Variants in NRG3 observed in about 807,000 individuals in gnomAD.
The protein encoded by NRG3 is neuregulin 3, also known as pro-neuregulin-3, membrane-bound isoform.
NRG3 carries 31 observed loss-of-function variants against 66.9 expected under a neutral mutation model. That is an observed-to-expected ratio of 0.46 (90% confidence interval 0.35 to 0.63). The LOEUF is 0.63. Ranked by LOEUF, NRG3 falls within the 20% of genes least tolerant of loss-of-function variation. The pLI is 0.00. For missense variants in NRG3, 910 were observed against 878.9 expected (o/e 1.04, Z -0.45); for synonymous variants, 393 against 359.4 (o/e 1.09, Z -1.06).
intron 1 of NRG3, among the ~76,000 whole-genome samples, chr10:82,097,437 A>C (rs1380514335): frequency 2.8e-5 from 4 of 145,350 alleles, no homozygotes; most frequent in Non-Finnish European, 1.5e-5. Context: ...ATATATATAT[A>C]TATATCTGTA....
At chr10:82,733,773 T>A (rs1313296208) in intron 2 of NRG3, among the ~76,000 whole-genome samples, 2 of 152,202 alleles carry the variant, frequency 1.3e-5, no homozygotes, top group African/African-American at 4.8e-5. Context: ...TGAAGAATGA[T>A]CTGGAAATGT....
chr10:82,314,423 A>G (rs1428523975), intron 1 of NRG3, among the ~76,000 whole-genome samples: 5 of 151,924 alleles, frequency 3.3e-5, no homozygotes, highest in Non-Finnish European at 7.4e-5. Context: ...ATCTCATCCA[A>G]CCCTCTCAGT....
rs114724067 is a variant in NRG3 at position 82,040,499 on chromosome 10, A to G, written c.823+164336A>G. ...CTGAAAAATCTCTCTCTTGGCACCC[A>G]TATATGTGTCTCTACAAACTTGTTG... On this transcript the variant is annotated intron_variant, in intron 1 of 8. Coordinates refer to ENST00000372141, the MANE Select transcript of NRG3 (RefSeq NM_001010848.4). Among the ~76,000 whole-genome samples, 533 of 134,740 alleles carry G rather than the reference A, an allele frequency of 4.0e-3. 2 individuals carry two copies. The highest frequency in any genetic ancestry group is 0.012 in the African/African-American group (483 of 40,246). The allele number at this position is 134,740 out of a possible 152,430, so 88.4% of individuals were successfully genotyped here. A position where few individuals can be genotyped will look rare whatever the true frequency, so the allele number is the denominator to read the frequency against.
chr10:82,895,030 G>T (rs1843515254), intron 4 of NRG3, among the ~76,000 whole-genome samples: 1 of 152,140 alleles, frequency 6.6e-6, no homozygotes, highest in African/African-American at 2.4e-5. Flanking sequence ...TGCTGAGAAT[G>T]ATGGTGTCTA....
chr10:82,825,186 C>A (rs1334697920), intron 3 of NRG3, among the ~76,000 whole-genome samples: 4 of 152,218 alleles, frequency 2.6e-5, no homozygotes, highest in South Asian at 4.1e-4. Flanking sequence ...TCAGGTCTAT[C>A]TTTTTTATTG....
At chr10:82,061,341 A>T (rs2064128868) in intron 1 of NRG3, among the ~76,000 whole-genome samples, 1 of 152,010 alleles carries the variant, frequency 6.6e-6, no homozygotes, top group African/African-American at 2.4e-5. Flanking sequence ...ACAGAGCAAG[A>T]TTTTCCCTCT....
chr10:81,875,197 T>G lies in NRG3; in HGVS notation c.-144T>G. The stretch of plus-strand genomic sequence containing the variant: ...GAGGGGCGTGGGGGCAGGGAGCGGA[T>G]TTGCATGCGGCCGCCGCGGCCGCTG... On this transcript the variant is annotated 5_prime_UTR_variant, in exon 1 of 9. Transcript: ENST00000372141. This position sits in a 1 kb window ranked among gnomAD's most constrained non-coding sequence, Gnocchi z 5.3. The G allele has an allele frequency of 3.2e-5, 8 of 253,890 alleles. No individual in the cohort carries two copies. The highest frequency in any genetic ancestry group is 4.2e-5 in the Non-Finnish European group (7 of 164,760). 15.7% of individuals were successfully genotyped at this position (253,890 alleles called of 1,614,324 possible). A position where few individuals can be genotyped will look rare whatever the true frequency, so the allele number is the denominator to read the frequency against.
At chr10:82,878,243 G>A (rs1241296309) in intron 4 of NRG3, among the ~76,000 whole-genome samples, 1 of 152,202 alleles carries the variant, frequency 6.6e-6, no homozygotes, top group Non-Finnish European at 1.5e-5. Flanking sequence ...AGTTGGTGAA[G>A]GGGCCAGAGC....
At chr10:82,867,068 G>T (rs1342201863) in intron 4 of NRG3, among the ~76,000 whole-genome samples, 1 of 152,168 alleles carries the variant, frequency 6.6e-6, no homozygotes, top group African/African-American at 2.4e-5. Context: ...GTATAGTTAA[G>T]GGTAATGCCA....
At chr10:82,644,493 A>G (rs1480154958) in intron 2 of NRG3, among the ~76,000 whole-genome samples, 1 of 152,178 alleles carries the variant, frequency 6.6e-6, no homozygotes, top group Non-Finnish European at 1.5e-5. Context: ...AAAAATAACT[A>G]AAATCATAAC....
intron 2 of NRG3, among the ~76,000 whole-genome samples, chr10:82,649,346 C>G (rs1206604115): frequency 6.6e-6 from 1 of 150,762 alleles, no homozygotes; most frequent in Non-Finnish European, 1.5e-5. Flanking sequence ...TAATTGCAAA[C>G]TTTCTAAAGT....
intron 2 of NRG3, among the ~76,000 whole-genome samples, chr10:82,379,559 T>C (rs2085475067): frequency 6.6e-6 from 1 of 152,190 alleles, no homozygotes; most frequent in African/African-American, 2.4e-5. Context: ...TGAATTGATA[T>C]ATGCGGTGCA....
intron 1 of NRG3, among the ~76,000 whole-genome samples, chr10:82,224,741 A>G (rs1272827801): frequency 6.6e-6 from 1 of 152,198 alleles, no homozygotes; most frequent in African/African-American, 2.4e-5. Context: ...CATTGTTCAA[A>G]TCTATATAAT....
intron 1 of NRG3, among the ~76,000 whole-genome samples, chr10:82,083,595 ATTT>A (rs35927277): frequency 2.2e-4 from 25 of 115,352 alleles, no homozygotes; most frequent in African/African-American, 3.4e-4. Context: ...CCATTTGTTA[ATTT>A]TTTTTTTTTT....
At chr10:81,927,148 A>G (rs1252914562) in intron 1 of NRG3, among the ~76,000 whole-genome samples, 1 of 152,222 alleles carries the variant, frequency 6.6e-6, no homozygotes, top group Non-Finnish European at 1.5e-5. Context: ...TATAAGATGA[A>G]TATGATCATA....
At chr10:82,699,493 G>A (rs1288229890) in intron 2 of NRG3, among the ~76,000 whole-genome samples, 2 of 152,044 alleles carry the variant, frequency 1.3e-5, no homozygotes, top group Non-Finnish European at 2.9e-5. Flanking sequence ...CTGCATCCTT[G>A]TTTTATTGTC....
chr10:82,976,296 TCCG>T (rs1320079393), intron 7 of NRG3, among the ~76,000 whole-genome samples: 2 of 152,138 alleles, frequency 1.3e-5, no homozygotes, highest in Non-Finnish European at 2.9e-5. Context: ...CCTCAGGTGA[TCCG>T]CCCGCCTCAG....
chr10:82,795,418 T>G (rs1184361298), intron 3 of NRG3, among the ~76,000 whole-genome samples: 1 of 152,202 alleles, frequency 6.6e-6, no homozygotes, highest in Non-Finnish European at 1.5e-5. Context: ...ATTTTATTCC[T>G]TACTATTATA....
At chr10:82,363,633 T>C (rs913203823) in intron 2 of NRG3, among the ~76,000 whole-genome samples, 3 of 151,926 alleles carry the variant, frequency 2.0e-5, no homozygotes, top group African/African-American at 7.3e-5. Flanking sequence ...TTTTTTGTAG[T>C]TTTTTAGTAG....
Sources: gnomAD v4.1 joint callset for allele counts (sites outside exome capture counted in the v4.1 genomes callset) on GRCh38, gnomAD v4.1.1 for gene constraint, Gnocchi (gnomAD v3.1) non-coding constraint, MANE v1.5 for transcripts, NCBI Gene and HGNC (gene_info 2026-07-23, HGNC 2026-07-21) for gene names.